The following RASSF3 variants were observed in gnomAD, a reference collection of about 807,000 sequenced individuals.
RASSF3 encodes the protein ras association domain-containing protein 3.
A neutral mutation model predicts 19.9 loss-of-function variants in RASSF3; 19 were observed. The observed-to-expected ratio is 0.96, with a 90% CI of 0.67 to 1.40. The LOEUF is 1.40. Among genes scored for constraint, RASSF3 ranks in the 40% most tolerant of loss-of-function variants. The probability of loss-of-function intolerance (pLI) is 0.00; values close to 1 mark genes in which losing one functional copy is unlikely to be tolerated. For synonymous variants in RASSF3, 110 were observed against 104.2 expected, an observed-to-expected ratio of 1.06 and a Z score of -0.34; for missense variants, 306 against 289.8, an observed-to-expected ratio of 1.06 and a Z score of -0.41.
chr12:64,694,565 G>A (rs1868327322), intron 4 of RASSF3, among the ~76,000 whole-genome samples, 198 bp from the exon 5 acceptor site: 1 of 152,098 alleles, frequency 6.6e-6, no homozygotes, highest in Admixed American at 6.5e-5. Flanking sequence ...GTAGGAAGGT[G>A]ATTGGTGTGA....
chr12:64,515,545 C>T (rs1421137342), intron 1 of RASSF3: 1 of 151,914 alleles, frequency 6.6e-6, no homozygotes. Flanking sequence ...TTGAGTCCTA[C>T]TTCTTCTTCA....
At chr12:64,516,449 C>A (rs1360454098) in intron 1 of RASSF3, among the ~76,000 whole-genome samples, 1 of 150,464 alleles carries the variant, frequency 6.6e-6, no homozygotes, top group African/African-American at 2.4e-5. Flanking sequence ...GAAACCCCGT[C>A]TCTACTAAAA....
chr12:64,597,914 A>G (rs1870022133), intron 2 of RASSF3, among the ~76,000 whole-genome samples: 1 of 150,940 alleles, frequency 6.6e-6, no homozygotes, highest in Non-Finnish European at 1.5e-5. Context: ...TTCCTGACCA[A>G]ATCTTTTATT....
At chr12:64,689,203 A>G (rs1312721599) in intron 3 of RASSF3, among the ~76,000 whole-genome samples, 1 of 150,034 alleles carries the variant, frequency 6.7e-6, no homozygotes, top group African/African-American at 2.5e-5. Context: ...GACTCACTAC[A>G]TGCGATTTGA....
At chr12:64,689,220 G>GGTGTGTGTGTGTGTGTGTGTGTGTGT (rs10688391) in intron 3 of RASSF3, among the ~76,000 whole-genome samples, 1 of 147,444 alleles carries the variant, frequency 6.8e-6, no homozygotes, top group Non-Finnish European at 1.5e-5. Context: ...TTGAAATCGG[G>GGTGTGTGTGTGTGTGTGTGTGTGTGT]GTGTGTGTGT....
At chr12:64,669,642 G>A (rs571461291) in intron 1 of RASSF3, among the ~76,000 whole-genome samples, 1 of 151,916 alleles carries the variant, frequency 6.6e-6, no homozygotes, top group Non-Finnish European at 1.5e-5. Flanking sequence ...GTCCAGCCTT[G>A]GTAGCTGGGC....
upstream of RASSF3, among the ~76,000 whole-genome samples, chr12:64,610,320 G>A (rs1282727683): frequency 1.3e-5 from 2 of 151,020 alleles, no homozygotes; most frequent in Non-Finnish European, 3.0e-5. Context: ...CCTGGAAGGG[G>A]CGGGCCGGGC....
At chr12:64,688,490 T>C in intron 3 of RASSF3, 37 bp downstream of exon 3, 1 of 1,374,044 alleles carries the variant, frequency 7.3e-7, no homozygotes, top group South Asian at 1.2e-5. Context: ...GGTCTGTGCT[T>C]CTACTTGCAT....
intron 1 of RASSF3, among the ~76,000 whole-genome samples, chr12:64,650,850 A>G (rs1290529494): frequency 6.6e-6 from 1 of 152,200 alleles, no homozygotes; most frequent in East Asian, 1.9e-4. Flanking sequence ...CCTAAGCTGT[A>G]TCATCCTCAT....
intron 1 of RASSF3, among the ~76,000 whole-genome samples, chr12:64,645,900 C>G (rs1391761887): frequency 1.3e-5 from 2 of 152,154 alleles, no homozygotes; most frequent in Non-Finnish European, 2.9e-5. Flanking sequence ...AGTAATCTCC[C>G]CAGCCCTTGG....
At chr12:64,507,088 TCC>T in exon 1 of RASSF3, 1 of 397,842 alleles carries the variant, frequency 2.5e-6, no homozygotes, top group Non-Finnish European at 4.4e-6. Context: ...TAACAGGTGG[TCC>T]CCAGACATAT....
chr12:64,675,350 A>G (rs181061161), intron 1 of RASSF3, among the ~76,000 whole-genome samples: 171 of 152,162 alleles, frequency 1.1e-3, no homozygotes, highest in African/African-American at 3.9e-3. Flanking sequence ...GGGTTTCGCA[A>G]TGTTGCCCAG....
rs547586323 is a variant in RASSF3 at position 64,553,607 on chromosome 12, A to G, written c.294+11902A>G. 3.3e-5 allele frequency among the ~76,000 whole-genome samples: 5 copies of G among 152,260 alleles called. No individual in the cohort carries two copies. In the South Asian group the frequency reaches 8.3e-4, roughly 25 times the overall value. The stretch of plus-strand genomic sequence containing the variant: ...GTCAGGCAACCTGACTTCCTTTCCA[A>G]TCAGGCTTATAATCCAACAGGTGAC... On this transcript the variant is annotated intron_variant, in intron 2 of 5. Transcript: ENST00000637125.
chr12:64,616,864 C>T lies in RASSF3; in HGVS notation c.111+6121C>T, dbSNP rs183340282. Among the ~76,000 whole-genome samples, 194 of 152,328 alleles carry T rather than the reference C, an allele frequency of 1.3e-3. 2 individuals carry two copies. Among genetic ancestry groups the T allele is most frequent in the Admixed American group, 5.5e-3 (84 of 15,302 alleles). ...CTCTTTAATTCCTTTCAGGCCCCAT[C>T]GCCATCTCAGAACCATGGCCTGGAG... On this transcript the variant is annotated intron_variant, in intron 1 of 4. Coordinates refer to ENST00000542104, the MANE Select transcript of RASSF3 (RefSeq NM_178169.4).
downstream of RASSF3, among the ~76,000 whole-genome samples, chr12:64,542,597 G>A (rs1037849431): frequency 6.6e-6 from 1 of 152,144 alleles, no homozygotes; most frequent in Non-Finnish European, 1.5e-5. Context: ...TAAAAGATAG[G>A]CTATTTTTTC....
intron 2 of RASSF3, among the ~76,000 whole-genome samples, chr12:64,578,513 G>A (rs1869634205): frequency 1.3e-5 from 2 of 152,130 alleles, no homozygotes; most frequent in Non-Finnish European, 2.9e-5. Flanking sequence ...AATTAATTTA[G>A]TCAGGCATGA....
At chr12:64,550,847 G>GA (rs1008103804) in intron 2 of RASSF3, among the ~76,000 whole-genome samples, 1,320 of 119,502 alleles carry the variant, frequency 0.011, 12 homozygotes, top group Non-Finnish European at 0.017. Flanking sequence ...AGAAAGAAAG[G>GA]AAAAAAAAAA....
At chr12:64,542,977 T>G, downstream of RASSF3, among the ~76,000 whole-genome samples, 3 of 151,184 alleles carry the variant, frequency 2.0e-5, no homozygotes, top group African/African-American at 2.4e-5. Context: ...CTAGATAGAG[T>G]TCCGGGTGGG....
At chr12:64,686,181 TG>T (rs1167887067) in intron 2 of RASSF3, among the ~76,000 whole-genome samples, 3 of 151,364 alleles carry the variant, frequency 2.0e-5, no homozygotes, top group Non-Finnish European at 4.4e-5. Flanking sequence ...CCACTTGCTA[TG>T]TTTTTTTTTT....
Sources: allele counts gnomAD v4.1 joint callset (sites outside exome capture counted in the v4.1 genomes callset), GRCh38; gene constraint gnomAD v4.1.1; transcripts MANE v1.5; gene names NCBI Gene and HGNC (gene_info 2026-07-23, HGNC 2026-07-21).